The following TMEM255A variants were observed in gnomAD, a reference collection of about 807,000 sequenced individuals.
The protein encoded by TMEM255A is transmembrane protein 255A.
In TMEM255A, 14 loss-of-function variants were observed where a neutral mutation model predicts 23.5. That is an observed-to-expected ratio of 0.60 (90% CI 0.39 to 0.93). TMEM255A has a LOEUF of 0.93. Among genes scored for constraint, TMEM255A ranks in the 40% least tolerant of loss-of-function variants. The probability of loss-of-function intolerance (pLI) is 0.00; values close to 1 mark genes in which losing one functional copy is unlikely to be tolerated. For synonymous variants in TMEM255A, 104 were observed against 100.3 expected (o/e 1.04, Z -0.22); for missense variants, 233 against 261.7 (o/e 0.89, Z 0.76).
At chrX:120,280,845 A>G (rs782196909) in intron 6 of TMEM255A, among the ~76,000 whole-genome samples, 56 of 110,185 alleles carry the variant, frequency 5.1e-4, no homozygotes, top group Non-Finnish European at 9.7e-4. Flanking sequence ...ACCTTTGCTC[A>G]GATTTCTCCC....
intron 8 of TMEM255A, among the ~76,000 whole-genome samples, chrX:120,265,464 T>C (rs781862250): frequency 1.8e-5 from 2 of 111,906 alleles, no homozygotes; most frequent in Non-Finnish European, 3.8e-5. Context: ...AGGGAATCCT[T>C]TTTCAGTGGG....
At chrX:120,275,786 T>G (rs1414921058) in intron 7 of TMEM255A, among the ~76,000 whole-genome samples, 1 of 70,521 alleles carries the variant, frequency 1.4e-5, no homozygotes, top group Admixed American at 1.6e-4. Flanking sequence ...GCCCAAGCAT[T>G]TTTTTTTTTT....
chrX:120,292,221 A>G (rs143189658), intron 3 of TMEM255A, among the ~76,000 whole-genome samples: 1,361 of 111,475 alleles, frequency 0.012, 25 homozygotes, highest in African/African-American at 0.043. Flanking sequence ...TGTGTTAGAT[A>G]ACAGAAATTT....
At chrX:120,294,248 A>C (rs879974630) in intron 2 of TMEM255A, among the ~76,000 whole-genome samples, 197 bp from the exon 3 acceptor site, 4 of 108,805 alleles carry the variant, frequency 3.7e-5, no homozygotes, top group South Asian at 4.1e-4. Context: ...TCCCGGCTAA[A>C]ACGGTGAAAC....
rs2057968683 is a variant in TMEM255A at position 120,296,799 on chromosome X, TG to T, written c.202-2749del. On this transcript the variant is annotated intron_variant, in intron 2 of 8. Coordinates refer to ENST00000371369, the MANE Select transcript of TMEM255A (RefSeq NM_001104544.3). ...TATTATATATCATATATAATATATA[TG>T]ATATATAATATATATCATATATAAT... is the stretch of plus-strand genomic sequence containing the variant. Among the ~76,000 whole-genome samples, 34 of 5,636 alleles carry T rather than the reference TG, an allele frequency of 6.0e-3. 1 individual carries two copies. Among genetic ancestry groups the T allele is most frequent in the African/African-American group, 0.018 (33 of 1,838 alleles). 4.9% of individuals were successfully genotyped at this position (5,636 alleles called of 115,157 possible).
At chrX:120,253,978 C>CCGA, downstream of TMEM255A, 1 of 1,176,119 alleles carries the variant, frequency 8.5e-7, no homozygotes, top group Non-Finnish European at 1.2e-6. Flanking sequence ...GTTACCGATT[C>CCGA]TGATGATGAT....
At chrX:120,251,809 G>A in the TMEM255A span, among the ~76,000 whole-genome samples, 7 of 112,035 alleles carry the variant, frequency 6.2e-5, no homozygotes, top group South Asian at 3.7e-4. Context: ...TGAGTGGGAG[G>A]AGGGGGACAC....
intron 2 of TMEM255A, among the ~76,000 whole-genome samples, chrX:120,298,155 T>A (rs1207115457): frequency 1.8e-5 from 2 of 111,814 alleles, no homozygotes; most frequent in African/African-American, 3.3e-5. Flanking sequence ...AAGGGCTTTT[T>A]TGAGGCTGGA....
rs960570472 is a variant in TMEM255A, at chrX:120,277,182, G to A, written c.513-135C>T. The A allele has an allele frequency of 1.9e-5, 9 of 478,159 alleles. No homozygotes were observed. In the African/African-American group the frequency reaches 2.2e-4, roughly 12 times the overall value. 39.4% of individuals were successfully genotyped at this position (478,159 alleles called of 1,213,427 possible). On this transcript the variant is annotated intron_variant, in intron 6 of 8. Transcript: ENST00000371369. Reference sequence around the variant, plus strand: ...GTGGGCAGGTGGGGAGCTACAGTAAGAGACATCATAGCCATGTACTATAAT... The same window carrying A: ...GTGGGCAGGTGGGGAGCTACAGTAAAAGACATCATAGCCATGTACTATAAT...
Position 120,285,227 on chromosome X carries a change from T to C in TMEM255A, c.424-12A>G, listed in dbSNP as rs782782940. 4 of 1,187,503 alleles carry C rather than the reference T, an allele frequency of 3.4e-6. No homozygotes were observed. In the Admixed American group the frequency reaches 6.6e-5, roughly 19 times the overall value. ...TGAGGGCAGTTAACCTGACGGTATA[T>C]AACAGTGAGGAGATGAGCTGGCATT... On this transcript the variant is annotated splice_polypyrimidine_tract_variant and intron_variant, in intron 5 of 8. Coordinates refer to ENST00000371369, the MANE Select transcript of TMEM255A (RefSeq NM_001104544.3).
intron 6 of TMEM255A, among the ~76,000 whole-genome samples, chrX:120,280,320 C>A (rs1052746991): frequency 9.1e-6 from 1 of 110,464 alleles, no homozygotes; most frequent in Non-Finnish European, 1.9e-5. Context: ...AGGCACAAAC[C>A]GCAATATGGG....
chrX:120,274,074 A>G (rs1383281446), intron 7 of TMEM255A, among the ~76,000 whole-genome samples: 1 of 112,657 alleles, frequency 8.9e-6, no homozygotes, highest in Non-Finnish European at 1.9e-5. Context: ...TTATTCAGCC[A>G]TAAAAAGAAA....
intron 4 of TMEM255A, among the ~76,000 whole-genome samples, chrX:120,290,940 A>T (rs890214389): frequency 1.7e-4 from 19 of 111,093 alleles, no homozygotes; most frequent in African/African-American, 6.2e-4. Flanking sequence ...GCCTTCTCAA[A>T]TCTTACCCAC....
Position 120,311,356 on chromosome X carries a change from C to T in TMEM255A, c.-47G>A, listed in dbSNP as rs1286120247. On this transcript the variant is annotated 5_prime_UTR_variant, in exon 1 of 9. Coordinates refer to ENST00000371369, the MANE Select transcript of TMEM255A (RefSeq NM_001104544.3). ...CCAGTCCCCGAAGCTGCTTCAAGCG[C>T]CCCCGGCTCTGGGCGCCCCGCAGAG... is the stretch of plus-strand genomic sequence containing the variant. 47 of 1,092,053 alleles carry T rather than the reference C, an allele frequency of 4.3e-5. No homozygotes were observed. The highest frequency in any genetic ancestry group is 5.7e-5 in the Non-Finnish European group (46 of 804,937). 90.0% of individuals were successfully genotyped at this position (1,092,053 alleles called of 1,213,427 possible). A position where few individuals can be genotyped will look rare whatever the true frequency, so the allele number is the denominator to read the frequency against.
intron 5 of TMEM255A, chrX:120,285,603 G>A (rs2057868556): frequency 8.3e-7 from 1 of 1,210,098 alleles, no homozygotes. Context: ...GCCGGCGCAT[G>A]CACTCTGAAG....
At chrX:120,298,987 T>C (rs1026055259) in intron 2 of TMEM255A, among the ~76,000 whole-genome samples, 22 of 111,239 alleles carry the variant, frequency 2.0e-4, no homozygotes, top group African/African-American at 6.2e-4. Context: ...TTCAGAGGAC[T>C]GTGAATTGGC....
intron 1 of TMEM255A, among the ~76,000 whole-genome samples, chrX:120,306,133 T>C (rs2058063722): frequency 9.0e-6 from 1 of 111,004 alleles, no homozygotes; most frequent in Admixed American, 9.6e-5. Flanking sequence ...GAGACCTGAG[T>C]CCAGCCTCCA....
At chrX:120,257,108 A>G (rs782347618), downstream of TMEM255A, 1 of 122,719 alleles carries the variant, frequency 8.1e-6, no homozygotes, top group South Asian at 3.7e-4. Flanking sequence ...GCTTGCCAAG[A>G]GGTAGAGTGA....
At chrX:120,280,184 C>A (rs1364148220) in intron 6 of TMEM255A, among the ~76,000 whole-genome samples, 1 of 106,625 alleles carries the variant, frequency 9.4e-6, no homozygotes, top group Non-Finnish European at 1.9e-5. Context: ...TGTAGAGATG[C>A]GGTTCTGACA....
Sources: gnomAD v4.1 joint callset for allele counts (sites outside exome capture counted in the v4.1 genomes callset) on GRCh38, gnomAD v4.1.1 for gene constraint, MANE v1.5 for transcripts, NCBI Gene and HGNC (gene_info 2026-07-23, HGNC 2026-07-21) for gene names.